LINGO2: variants seen among roughly 807,000 people sequenced by gnomAD.
LINGO2 encodes leucine rich repeat and Ig domain containing 2.
A neutral mutation model predicts 30.6 loss-of-function variants in LINGO2; 14 were observed. The observed-to-expected ratio is 0.46, with a 90% CI of 0.30 to 0.72. The LOEUF (loss-of-function observed/expected upper bound fraction) is 0.72, where lower values mean the gene tolerates loss of function less well. Ranked by LOEUF, LINGO2 falls within the 30% of genes least tolerant of loss-of-function variation. LINGO2 has a pLI of 0.07. For missense variants in LINGO2, 729 were observed against 751.7 expected (o/e 0.97, Z 0.35); for synonymous variants, 317 against 288.5 (o/e 1.10, Z -1.00).
intron 2 of LINGO2, among the ~76,000 whole-genome samples, chr9:28,384,732 A>G (rs1416637779): frequency 6.6e-6 from 1 of 152,024 alleles, no homozygotes; most frequent in Non-Finnish European, 1.5e-5. Context: ...TTCTTGCAAC[A>G]TCCCCTAAGA....
At chr9:29,084,114 A>G in the LINGO2 span, among the ~76,000 whole-genome samples, 1 of 98,044 alleles carries the variant, frequency 1.0e-5, no homozygotes, top group African/African-American at 4.2e-5. Context: ...TGAACTCTAT[A>G]TATTTCTGGT....
intron 4 of LINGO2, among the ~76,000 whole-genome samples, chr9:28,175,206 T>G (rs922191133): frequency 6.6e-6 from 1 of 152,136 alleles, no homozygotes; most frequent in African/African-American, 2.4e-5. Flanking sequence ...CAGCAAAGCC[T>G]GTTCAGTAGC....
the LINGO2 span, among the ~76,000 whole-genome samples, chr9:28,866,597 T>A: frequency 1.3e-5 from 2 of 152,100 alleles, no homozygotes; most frequent in Non-Finnish European, 2.9e-5. Context: ...AAGGGTGGTG[T>A]GAATTAGACT....
chr9:29,047,571 A>G, the LINGO2 span, among the ~76,000 whole-genome samples: 1 of 152,168 alleles, frequency 6.6e-6, no homozygotes, highest in Non-Finnish European at 1.5e-5. Flanking sequence ...GAAGACGACA[A>G]GGATGCCCAC....
At chr9:28,071,707 T>C (rs1014132038) in intron 4 of LINGO2, among the ~76,000 whole-genome samples, 1 of 152,056 alleles carries the variant, frequency 6.6e-6, no homozygotes, top group African/African-American at 2.4e-5. Flanking sequence ...AAATGAGTGA[T>C]AAAAACTGGA....
chr9:29,144,669 T>C, the LINGO2 span, among the ~76,000 whole-genome samples: 1 of 152,090 alleles, frequency 6.6e-6, no homozygotes, highest in African/African-American at 2.4e-5. Context: ...CTTCCTCATA[T>C]CACCAGTTAA....
At chr9:28,918,989 C>G in the LINGO2 span, among the ~76,000 whole-genome samples, 1 of 152,118 alleles carries the variant, frequency 6.6e-6, no homozygotes, top group East Asian at 1.9e-4. Flanking sequence ...TGCACTGTAT[C>G]CAGTATGTTC....
At chr9:28,780,310 A>G in the LINGO2 span, among the ~76,000 whole-genome samples, 1 of 151,596 alleles carries the variant, frequency 6.6e-6, no homozygotes, top group South Asian at 2.1e-4. Flanking sequence ...GAGCCTATTC[A>G]TTGGTATTTA....
chr9:28,582,481 CT>C (rs1824305753), intron 1 of LINGO2, among the ~76,000 whole-genome samples: 1 of 151,998 alleles, frequency 6.6e-6, no homozygotes, highest in African/African-American at 2.4e-5. Context: ...AAATCTCAAC[CT>C]TCTGAAACTC....
At chr9:28,992,046 C>T in the LINGO2 span, among the ~76,000 whole-genome samples, 1 of 152,112 alleles carries the variant, frequency 6.6e-6, no homozygotes, top group African/African-American at 2.4e-5. Flanking sequence ...GGACTAAATG[C>T]TCCAATTAAA....
intron 1 of LINGO2, among the ~76,000 whole-genome samples, chr9:28,572,358 A>C (rs1402433733): frequency 2.0e-5 from 3 of 152,002 alleles, no homozygotes; most frequent in Non-Finnish European, 4.4e-5. Context: ...AAGATTTCCT[A>C]TCTCCTTTAT....
chr9:28,037,956 G>T (rs528959213), intron 4 of LINGO2, among the ~76,000 whole-genome samples: 4 of 152,202 alleles, frequency 2.6e-5, no homozygotes, highest in Non-Finnish European at 5.9e-5. Context: ...TAAGGAAGCT[G>T]AGGCATAAAG....
At chr9:29,210,911 A>G in the LINGO2 span, among the ~76,000 whole-genome samples, 3 of 152,148 alleles carry the variant, frequency 2.0e-5, no homozygotes, top group East Asian at 5.8e-4. Flanking sequence ...AACGCATGCT[A>G]CTGGGTGATG....
chr9:29,185,564 GA>G, the LINGO2 span, among the ~76,000 whole-genome samples: 1 of 151,936 alleles, frequency 6.6e-6, no homozygotes, highest in African/African-American at 2.4e-5. Flanking sequence ...TTCATAAAAA[GA>G]AAAAAATCAA....
intron 4 of LINGO2, among the ~76,000 whole-genome samples, chr9:28,217,732 G>A (rs374676838): frequency 2.6e-5 from 4 of 151,850 alleles, no homozygotes; most frequent in Admixed American, 6.6e-5. Flanking sequence ...GTCTTGGTCC[G>A]AAAGACCCCT....
At chr9:29,000,410 T>C in the LINGO2 span, among the ~76,000 whole-genome samples, 1 of 151,984 alleles carries the variant, frequency 6.6e-6, no homozygotes, top group African/African-American at 2.4e-5. Flanking sequence ...ATGAATTTTC[T>C]GGAAAACATA....
intron 4 of LINGO2, among the ~76,000 whole-genome samples, chr9:28,042,450 TTGAC>T (rs1824237068): frequency 6.6e-6 from 1 of 151,882 alleles, no homozygotes; most frequent in Non-Finnish European, 1.5e-5. Flanking sequence ...AGCTATGTCT[TTGAC>T]TGTCATATGA....
chr9:28,749,459 A>G, the LINGO2 span, among the ~76,000 whole-genome samples: 1 of 152,072 alleles, frequency 6.6e-6, no homozygotes, highest in African/African-American at 2.4e-5. Flanking sequence ...CTACTCCTAT[A>G]GGTGGTAGGA....
chr9:28,218,390 A>G (rs1183769867), intron 4 of LINGO2, among the ~76,000 whole-genome samples: 3 of 151,852 alleles, frequency 2.0e-5, no homozygotes, highest in Non-Finnish European at 4.4e-5. Context: ...CAGTGACTTG[A>G]TATAACACAC....
Sources: gnomAD v4.1 joint callset for allele counts (sites outside exome capture counted in the v4.1 genomes callset) on GRCh38, gnomAD v4.1.1 for gene constraint, MANE v1.5 for transcripts, NCBI Gene and HGNC (gene_info 2026-07-23, HGNC 2026-07-21) for gene names.